STX7: variants seen among roughly 807,000 people sequenced by gnomAD.
The protein encoded by STX7 is syntaxin-7.
STX7 carries 34 observed loss-of-function variants against 39.6 expected under a neutral mutation model. The ratio of observed to expected loss-of-function variants is 0.86; its 90% CI spans 0.65 to 1.14. The LOEUF is 1.14. Among genes scored for constraint, STX7 ranks in the 50% most tolerant of loss-of-function variants. STX7 has a pLI of 0.00. For missense variants in STX7, 284 were observed against 310.4 expected, an observed-to-expected ratio of 0.92 and a Z score of 0.64; for synonymous variants, 119 against 99.1, an observed-to-expected ratio of 1.20 and a Z score of -1.19.
At chr6:132,467,024 G>C (rs58671577) in intron 8 of STX7, among the ~76,000 whole-genome samples, 1,574 of 152,240 alleles carry the variant, frequency 0.01, 29 homozygotes, top group African/African-American at 0.036. Flanking sequence ...ACAAGATTGA[G>C]CATCTGGATG....
At chr6:132,473,318 C>T (rs1423217378) in intron 3 of STX7, among the ~76,000 whole-genome samples, 2 of 152,096 alleles carry the variant, frequency 1.3e-5, no homozygotes, top group African/African-American at 4.8e-5. Flanking sequence ...CAGATTGGTT[C>T]CAGGACCCCT....
Position 132,459,193 on chromosome 6 carries a change from T to C in STX7, c.*1565A>G, listed in dbSNP as rs148970746. 1.8e-4 allele frequency: 28 copies of C among 152,366 alleles called. No homozygotes were observed. Among genetic ancestry groups the C allele is most frequent in the African/African-American group, 6.7e-4 (28 of 41,578 alleles). 9.4% of individuals were successfully genotyped at this position (152,366 alleles called of 1,614,324 possible). A position where few individuals can be genotyped will look rare whatever the true frequency, so the allele number is the denominator to read the frequency against. ...CCTCCCTGCATTGTCCATTCTGTTCTAGGGCAGTCTGATTCTGGCAACAGG... is the reference window on the plus strand; with the variant it reads ...CCTCCCTGCATTGTCCATTCTGTTCCAGGGCAGTCTGATTCTGGCAACAGG... On this transcript the variant is annotated 3_prime_UTR_variant, in exon 10 of 10. Transcript: ENST00000367941.
At chr6:132,472,160 G>A (rs1774738779) in intron 4 of STX7, 122 bp downstream of exon 4, 1 of 723,846 alleles carries the variant, frequency 1.4e-6, no homozygotes, top group Non-Finnish European at 2.2e-6. Flanking sequence ...ATCTCAAACA[G>A]AATTATTTTT....
rs1161614143 is a variant in STX7 at position 132,445,976 on chromosome 6, GGTT to G, written c.*14779_*14781del. 4 of 152,090 alleles carry G rather than the reference GGTT, an allele frequency of 2.6e-5. No individual in the cohort carries two copies. Among genetic ancestry groups the G allele is most frequent in the Non-Finnish European group, 5.9e-5 (4 of 68,000 alleles). The allele number at this position is 152,090 out of a possible 1,614,324, so 9.4% of individuals were successfully genotyped here. On this transcript the variant is annotated 3_prime_UTR_variant, in exon 10 of 10. Coordinates refer to ENST00000367941, the MANE Select transcript of STX7 (RefSeq NM_003569.3). ...TTATTACAATCTCTTCAGTGTTCAA[GGTT>G]TCTAAAATTCTCAATTCAGCCCTGG...
Position 132,450,434 on chromosome 6 carries a change from T to A in STX7, c.*10324A>T, listed in dbSNP as rs1774114662. ...TACTTTCATTCCTAAATTTTTTATG[T>A]CTTCTGTTTTTTTCCAAATCGGTTT... On this transcript the variant is annotated 3_prime_UTR_variant, in exon 10 of 10. Transcript: ENST00000367941. 1 of 152,178 alleles carries A rather than the reference T, an allele frequency of 6.6e-6. No homozygotes were observed. Among genetic ancestry groups the A allele is most frequent in the Non-Finnish European group, 1.5e-5 (1 of 68,024 alleles). The allele number at this position is 152,178 out of a possible 1,614,324, so 9.4% of individuals were successfully genotyped here. A position where few individuals can be genotyped will look rare whatever the true frequency, so the allele number is the denominator to read the frequency against.
intron 2 of STX7, among the ~76,000 whole-genome samples, chr6:132,496,176 G>A (rs899989961): frequency 1.3e-5 from 2 of 151,988 alleles, no homozygotes; most frequent in African/African-American, 4.8e-5. Flanking sequence ...CATAAATTCT[G>A]ATGAGTAGAT....
At chr6:132,487,794 A>G (rs1410698431) in intron 2 of STX7, among the ~76,000 whole-genome samples, 1 of 151,960 alleles carries the variant, frequency 6.6e-6, no homozygotes, top group East Asian at 1.9e-4. Context: ...GATATTAGTA[A>G]TTTGTTTCTT....
chr6:132,494,173 GATTA>G (rs1775365203), intron 2 of STX7, among the ~76,000 whole-genome samples: 4 of 151,678 alleles, frequency 2.6e-5, no homozygotes, highest in South Asian at 4.2e-4. Context: ...GTTAATGAAG[GATTA>G]ATTAAAATCA....
chr6:132,479,966 C>T (rs1774976348), intron 2 of STX7, among the ~76,000 whole-genome samples: 1 of 152,190 alleles, frequency 6.6e-6, no homozygotes, highest in African/African-American at 2.4e-5. Flanking sequence ...ACCCAACTAG[C>T]TGCTCCTTCC....
At chr6:132,507,181 A>T (rs1320568364) in intron 1 of STX7, among the ~76,000 whole-genome samples, 1 of 152,228 alleles carries the variant, frequency 6.6e-6, no homozygotes, top group African/African-American at 2.4e-5. Context: ...GAAATTACTT[A>T]ATGCGTACAA....
chr6:132,497,384 A>G (rs530888408), intron 2 of STX7, among the ~76,000 whole-genome samples: 54 of 152,340 alleles, frequency 3.5e-4, no homozygotes, highest in African/African-American at 1.3e-3. Context: ...TAACAAAGTC[A>G]GGACACTGGT....
At chr6:132,485,542 C>T (rs752727875) in intron 2 of STX7, among the ~76,000 whole-genome samples, 2 of 152,262 alleles carry the variant, frequency 1.3e-5, no homozygotes, top group South Asian at 2.1e-4. Context: ...AGAAGTAGAA[C>T]GGCTGGATAG....
intron 2 of STX7, among the ~76,000 whole-genome samples, chr6:132,494,906 G>C (rs910006215): frequency 6.6e-6 from 1 of 152,166 alleles, no homozygotes; most frequent in Non-Finnish European, 1.5e-5. Flanking sequence ...GAACAATTTG[G>C]AGACTGCAGT....
rs1168088159 is a variant in STX7 at position 132,501,262 on chromosome 6, C to T, written c.85+2184G>A. Among the ~76,000 whole-genome samples, 4 of 152,142 alleles carry T rather than the reference C, an allele frequency of 2.6e-5. No homozygotes were observed. The East Asian group carries it at 5.8e-4, about 22-fold the overall frequency. The stretch of plus-strand genomic sequence containing the variant: ...AGAGACAGGGTTTCTCCATGTTGGT[C>T]AGGCTGGTCTCGAACTCCTGACCTC... On this transcript the variant is annotated intron_variant, in intron 2 of 9. Coordinates refer to ENST00000367941, the MANE Select transcript of STX7 (RefSeq NM_003569.3).
rs917656222 is a variant in STX7, at chr6:132,458,285, C to T, written c.*2473G>A. Reference sequence around the variant, plus strand: ...CTCCAGACACTGCATCCATGGCTGTCCTAGACTGAGTTGCACTTGTAAAAG... The same window carrying T: ...CTCCAGACACTGCATCCATGGCTGTTCTAGACTGAGTTGCACTTGTAAAAG... On this transcript the variant is annotated 3_prime_UTR_variant, in exon 10 of 10. Transcript: ENST00000367941. The T allele has an allele frequency of 5.3e-5, 8 of 152,146 alleles. No homozygotes were observed. The highest frequency in any genetic ancestry group is 1.7e-4 in the African/African-American group (7 of 41,414). The allele number at this position is 152,146 out of a possible 1,614,324, so 9.4% of individuals were successfully genotyped here.
chr6:132,463,431 T>C, intron 9 of STX7, among the ~76,000 whole-genome samples: 1 of 152,202 alleles, frequency 6.6e-6, no homozygotes, highest in East Asian at 1.9e-4. Flanking sequence ...ATTTGACACA[T>C]GCATGTGGAC....
Position 132,451,622 on chromosome 6 carries a change from C to T in STX7, c.*9136G>A, listed in dbSNP as rs1774138269. The T allele has an allele frequency of 6.6e-6, 1 of 152,024 alleles. No individual in the cohort carries two copies. The highest frequency in any genetic ancestry group is 2.1e-4 in the South Asian group (1 of 4,828). 9.4% of individuals were successfully genotyped at this position (152,024 alleles called of 1,614,324 possible). A position where few individuals can be genotyped will look rare whatever the true frequency, so the allele number is the denominator to read the frequency against. On this transcript the variant is annotated 3_prime_UTR_variant, in exon 10 of 10. Transcript: ENST00000367941. ...AATGAAGGAGTTTTGGAATATCAGA[C>T]ATCAAAAGTCTAACAAAAAATACAA...
chr6:132,477,406 G>GA (rs1239543985), intron 2 of STX7, among the ~76,000 whole-genome samples: 13 of 151,680 alleles, frequency 8.6e-5, no homozygotes, highest in Admixed American at 5.3e-4. Context: ...TGTTCTTTAG[G>GA]AAAAAATCAT....
chr6:132,462,964 G>A (rs1168974668), intron 9 of STX7, among the ~76,000 whole-genome samples: 2 of 152,178 alleles, frequency 1.3e-5, no homozygotes, highest in African/African-American at 4.8e-5. Context: ...GCTCCCATCT[G>A]TAATCTCAGC....
Sources: allele counts gnomAD v4.1 joint callset (sites outside exome capture counted in the v4.1 genomes callset), GRCh38; gene constraint gnomAD v4.1.1; transcripts MANE v1.5; gene names NCBI Gene and HGNC (gene_info 2026-07-23, HGNC 2026-07-21).